DOCK1: variants seen among roughly 807,000 people sequenced by gnomAD.
DOCK1 encodes dedicator of cytokinesis 1, also known as dedicator of cytokinesis protein 1.
In DOCK1, 138 loss-of-function variants were observed where a neutral mutation model predicts 262.7. That is an observed-to-expected ratio of 0.53 (90% CI 0.46 to 0.61). DOCK1 has a LOEUF of 0.61. DOCK1 is among the 20% of genes least tolerant of loss of function. The pLI is 0.00. For synonymous variants in DOCK1, 866 were observed against 867.4 expected (o/e 1.00, Z 0.03); for missense variants, 1,908 against 2,370.7 (o/e 0.80, Z 4.05).
At chr10:127,187,018 C>T (rs1037377958) in intron 27 of DOCK1, among the ~76,000 whole-genome samples, 1 of 152,194 alleles carries the variant, frequency 6.6e-6, no homozygotes, top group South Asian at 2.1e-4. Flanking sequence ...CTTAAAGGGC[C>T]AGTTGCAGCA....
chr10:127,313,275 C>G (rs1277534777), intron 29 of DOCK1, among the ~76,000 whole-genome samples: 2 of 152,166 alleles, frequency 1.3e-5, no homozygotes, highest in African/African-American at 4.8e-5. Flanking sequence ...CTCAATAGCC[C>G]TGACACACAC....
chr10:127,115,108 T>C (rs1361735404), intron 25 of DOCK1, among the ~76,000 whole-genome samples: 1 of 152,176 alleles, frequency 6.6e-6, no homozygotes, highest in East Asian at 1.9e-4. Flanking sequence ...GAGGCAAATC[T>C]CTGCCATCAC....
At chr10:127,053,743 AGAT>A (rs2044922215) in intron 22 of DOCK1, among the ~76,000 whole-genome samples, 1 of 152,258 alleles carries the variant, frequency 6.6e-6, no homozygotes, top group Admixed American at 6.5e-5. Context: ...AATATTGTAT[AGAT>A]ACAGATGCAG....
At chr10:127,098,712 T>TG (rs1243105239) in intron 23 of DOCK1, among the ~76,000 whole-genome samples, 1 of 152,178 alleles carries the variant, frequency 6.6e-6, no homozygotes, top group African/African-American at 2.4e-5. Flanking sequence ...GTCCCCCACA[T>TG]GCATTCATAG....
chr10:127,208,963 C>T (rs7898625), intron 27 of DOCK1, among the ~76,000 whole-genome samples: 4,136 of 152,256 alleles, frequency 0.027, 208 homozygotes, highest in African/African-American at 0.094. Context: ...ACCAAGTGGT[C>T]GTTAATACAG....
At chr10:126,911,595 C>T (rs557534941) in intron 1 of DOCK1, among the ~76,000 whole-genome samples, 7 of 152,128 alleles carry the variant, frequency 4.6e-5, no homozygotes, top group Middle Eastern at 3.4e-3. Context: ...AGGAGGCGCC[C>T]GAGGAGGGGT....
At chr10:126,968,140 A>G (rs977527627) in intron 1 of DOCK1, among the ~76,000 whole-genome samples, 4 of 152,052 alleles carry the variant, frequency 2.6e-5, no homozygotes, top group Non-Finnish European at 5.9e-5. Context: ...CAAGATGCTG[A>G]ATTTCATCAC....
At chr10:126,956,972 T>C (rs1250666185) in intron 1 of DOCK1, among the ~76,000 whole-genome samples, 1 of 152,072 alleles carries the variant, frequency 6.6e-6, no homozygotes, top group Non-Finnish European at 1.5e-5. Flanking sequence ...GGCAAAGTGC[T>C]TTGTCACCTG....
At chr10:127,395,778 G>T (rs2066789229) in intron 38 of DOCK1, among the ~76,000 whole-genome samples, 1 of 140,298 alleles carries the variant, frequency 7.1e-6, no homozygotes, top group Non-Finnish European at 1.7e-5. Flanking sequence ...CTTCAAGTTA[G>T]CAGATTCCAC....
chr10:127,101,546 C>G (rs868320305), intron 23 of DOCK1, among the ~76,000 whole-genome samples: 5 of 152,188 alleles, frequency 3.3e-5, no homozygotes, highest in Non-Finnish European at 2.9e-5. Flanking sequence ...TCCATGTCCC[C>G]GCCTCAGGGG....
At chr10:127,075,853 T>C (rs1026126574) in intron 23 of DOCK1, among the ~76,000 whole-genome samples, 2 of 152,168 alleles carry the variant, frequency 1.3e-5, no homozygotes, top group African/African-American at 2.4e-5. Flanking sequence ...TATCACTCCA[T>C]GTTGCCCAGG....
intron 47 of DOCK1, among the ~76,000 whole-genome samples, chr10:127,431,607 G>A (rs990117212): frequency 9.2e-5 from 14 of 152,200 alleles, no homozygotes; most frequent in African/African-American, 3.1e-4. Flanking sequence ...GCAGGTCCAA[G>A]ACTGACCAAC....
At chr10:126,972,413 A>G (rs1432221492) in intron 2 of DOCK1, among the ~76,000 whole-genome samples, 3 of 152,154 alleles carry the variant, frequency 2.0e-5, no homozygotes, top group Non-Finnish European at 4.4e-5. Flanking sequence ...GACTGTTCAG[A>G]TCTGGAGGTT....
At chr10:127,145,746 C>G (rs373147232) in intron 27 of DOCK1, among the ~76,000 whole-genome samples, 21 of 152,194 alleles carry the variant, frequency 1.4e-4, no homozygotes, top group Non-Finnish European at 2.5e-4. Context: ...GCCCGGAACC[C>G]TGGTTTCTAG....
At chr10:127,062,990 T>G (rs1232960274) in intron 23 of DOCK1, among the ~76,000 whole-genome samples, 1 of 152,134 alleles carries the variant, frequency 6.6e-6, no homozygotes, top group Non-Finnish European at 1.5e-5. Context: ...CTCACTGGTG[T>G]GGAAGTGCCT....
intron 27 of DOCK1, among the ~76,000 whole-genome samples, chr10:127,150,308 G>A (rs2052364995): frequency 6.6e-6 from 1 of 152,154 alleles, no homozygotes; most frequent in South Asian, 2.1e-4. Context: ...CAAGCTGCGA[G>A]GTCATCCAGC....
chr10:127,209,530 A>C (rs190684429), intron 27 of DOCK1, among the ~76,000 whole-genome samples: 1 of 152,326 alleles, frequency 6.6e-6, no homozygotes, highest in African/African-American at 2.4e-5. Context: ...CCTTACTGTC[A>C]GAGGCAACAG....
chr10:127,236,500 G>GTTTTTTTTTTTTT (rs771387854), intron 27 of DOCK1, among the ~76,000 whole-genome samples: 5 of 66,784 alleles, frequency 7.5e-5, no homozygotes, highest in Non-Finnish European at 1.3e-4. Context: ...CTTGACACGG[G>GTTTTTTTTTTTTT]TTTTTTTTTT....
chr10:127,048,269 T>C (rs567954198), intron 21 of DOCK1, among the ~76,000 whole-genome samples: 1 of 152,344 alleles, frequency 6.6e-6, no homozygotes, highest in East Asian at 1.9e-4. Context: ...TGATACTGAG[T>C]ACCTGTTTAT....
Sources: allele counts gnomAD v4.1 joint callset (sites outside exome capture counted in the v4.1 genomes callset), GRCh38; gene constraint gnomAD v4.1.1; transcripts MANE v1.5; gene names NCBI Gene and HGNC (gene_info 2026-07-23, HGNC 2026-07-21).